Variants in CYP4Z1 observed in about 807,000 individuals in gnomAD.
The protein encoded by CYP4Z1 is cytochrome P450 family 4 subfamily Z member 1.
CYP4Z1 carries 41 observed loss-of-function variants against 54.2 expected under a neutral mutation model. The ratio of observed to expected loss-of-function variants is 0.76; its 90% CI spans 0.59 to 0.98. The LOEUF is 0.98. Ranked by LOEUF, CYP4Z1 falls within the 50% of genes least tolerant of loss-of-function variation. CYP4Z1 has a pLI of 0.00. For synonymous variants in CYP4Z1, 163 were observed against 206.2 expected, an observed-to-expected ratio of 0.79 and a Z score of 1.79; for missense variants, 513 against 599.0, an observed-to-expected ratio of 0.86 and a Z score of 1.50.
intron 3 of CYP4Z1, among the ~76,000 whole-genome samples, chr1:47,082,063 C>G (rs1644558665): frequency 6.6e-6 from 1 of 150,930 alleles, no homozygotes; most frequent in African/African-American, 2.5e-5. Flanking sequence ...TCTCACCCAC[C>G]CTAAATTTGA....
Position 47,084,905 on chromosome 1 carries a change from C to T in CYP4Z1, c.699C>T (p.Asn233=), listed in dbSNP as rs370015142. 471 of 1,546,282 alleles carry T rather than the reference C, an allele frequency of 3.0e-4. No homozygotes were observed. Among genetic ancestry groups the T allele is most frequent in the Non-Finnish European group, 3.9e-4 (444 of 1,141,718 alleles). Residue 233 remains asparagine, a synonymous_variant, in exon 6 of 12, where the codon AAC becomes AAT. Coordinates refer to ENST00000334194, the MANE Select transcript of CYP4Z1 (RefSeq NM_178134.3). ...GCATGAACAATTTTCTACATCACAA[C>T]GACCTGGTTTTCAAATTCAGCTCTC... The part of the protein sequence containing the change: ...NQRMNNFLHH[N]DLVFKFSSQG...
intron 2 of CYP4Z1, among the ~76,000 whole-genome samples, chr1:47,077,768 G>A (rs1644536345): frequency 6.6e-6 from 1 of 151,596 alleles, no homozygotes. Flanking sequence ...CTACAGGCCT[G>A]CACCACTATG....
chr1:47,068,989 G>C (rs971251276), intron 2 of CYP4Z1, among the ~76,000 whole-genome samples: 8 of 152,184 alleles, frequency 5.3e-5, no homozygotes, highest in African/African-American at 1.9e-4. Flanking sequence ...TCCCTACATG[G>C]CAAATTTTTT....
intron 4 of CYP4Z1, among the ~76,000 whole-genome samples, 184 bp from the exon 5 acceptor site, chr1:47,084,436 A>G (rs1273769671): frequency 1.3e-5 from 2 of 151,978 alleles, no homozygotes; most frequent in Non-Finnish European, 2.9e-5. Flanking sequence ...AATAGCATCT[A>G]AGGCACAGTA....
At chr1:47,062,048 A>C in the CYP4Z1 span, among the ~76,000 whole-genome samples, 1 of 152,242 alleles carries the variant, frequency 6.6e-6, no homozygotes, top group African/African-American at 2.4e-5. Flanking sequence ...AATAAGAGCC[A>C]TCTATGACAA....
At chr1:47,055,565 G>A in the CYP4Z1 span, among the ~76,000 whole-genome samples, 2 of 152,028 alleles carry the variant, frequency 1.3e-5, no homozygotes, top group African/African-American at 4.8e-5. Flanking sequence ...TTTTTTGGTT[G>A]GTAAGCTATT....
At chr1:47,073,027 T>C (rs1644493691) in intron 2 of CYP4Z1, among the ~76,000 whole-genome samples, 1 of 147,212 alleles carries the variant, frequency 6.8e-6, no homozygotes. Context: ...CTATCATCTC[T>C]GTCTAGTTCC....
rs1644842771 is a variant in CYP4Z1, at chr1:47,117,911, GT to G, written c.1496del (p.Val499GlyfsTer41). ...VVLKSKNGIHVFAKKVC is the reference protein window; with the variant it reads ...VVLKSKNGIHXFAKKVC Reference sequence around the variant, plus strand: ...CCTCAAGTCCAAGAATGGAATCCATGTGTTTGCAAAAAAAGTTTGCTAATTT... The same window carrying G: ...CCTCAAGTCCAAGAATGGAATCCATGGTTTGCAAAAAAAGTTTGCTAATTT... On this transcript the variant is annotated frameshift_variant, in exon 12 of 12. Transcript: ENST00000334194. LOFTEE classifies it high-confidence loss of function. 2 of 1,612,808 alleles carry G rather than the reference GT, an allele frequency of 1.2e-6. No homozygotes were observed. Among genetic ancestry groups the G allele is most frequent in the Non-Finnish European group, 1.7e-6 (2 of 1,179,596 alleles).
In CYP4Z1 at chr1:47,115,190, G is replaced by C. The variant is rs555542511; in HGVS notation, c.1202-339G>C. Among the ~76,000 whole-genome samples the C allele has an allele frequency of 7.2e-4, 109 of 152,084 alleles. 1 individual carries two copies. Among genetic ancestry groups the C allele is most frequent in the Non-Finnish European group, 1.3e-3 (88 of 67,970 alleles). ...AAACCATCATTCTCAGCAAACTATC[G>C]CAAGGACAAAAAACCAAACGCCGCA... On this transcript the variant is annotated intron_variant, in intron 9 of 11. Coordinates refer to ENST00000334194, the MANE Select transcript of CYP4Z1 (RefSeq NM_178134.3).
At chr1:47,098,634 A>G (rs373377517) in intron 7 of CYP4Z1, among the ~76,000 whole-genome samples, 190 of 152,346 alleles carry the variant, frequency 1.2e-3, no homozygotes, top group African/African-American at 4.3e-3. Context: ...ATAATAAATC[A>G]TGAGCTTTCC....
chr1:47,088,983 G>C (rs1430011614), intron 6 of CYP4Z1, among the ~76,000 whole-genome samples: 1 of 149,128 alleles, frequency 6.7e-6, no homozygotes, highest in Non-Finnish European at 1.5e-5. Context: ...GAAAATATTT[G>C]TGCTTTGGTT....
At chr1:47,078,008 T>C (rs966009858) in intron 2 of CYP4Z1, among the ~76,000 whole-genome samples, 1 of 152,184 alleles carries the variant, frequency 6.6e-6, no homozygotes, top group Non-Finnish European at 1.5e-5. Flanking sequence ...GTAACATTTT[T>C]ATGTTACTCT....
intron 10 of CYP4Z1, among the ~76,000 whole-genome samples, chr1:47,116,324 G>A (rs558677050): frequency 6.6e-6 from 1 of 152,286 alleles, no homozygotes; most frequent in East Asian, 1.9e-4. Flanking sequence ...ATATGACAGA[G>A]GCACGGGTTT....
intron 7 of CYP4Z1, among the ~76,000 whole-genome samples, chr1:47,098,094 A>C (rs4926729): frequency 0.42 from 63,799 of 151,876 alleles, 14,755 homozygotes; most frequent in East Asian, 0.97. Flanking sequence ...TGGGATTACA[A>C]GCGTGAGCCG....
chr1:47,059,229 C>T, the CYP4Z1 span, among the ~76,000 whole-genome samples: 1 of 152,092 alleles, frequency 6.6e-6, no homozygotes, highest in Admixed American at 6.6e-5. Context: ...TGTCCCAATG[C>T]CTTCATAATT....
chr1:47,103,855 C>A (rs770682763), intron 8 of CYP4Z1, among the ~76,000 whole-genome samples: 72 of 152,114 alleles, frequency 4.7e-4, no homozygotes, highest in Non-Finnish European at 7.9e-4. Flanking sequence ...CTCTGCCTCC[C>A]AAAGTGCTGG....
At chr1:47,065,178 T>C (rs1644443146), upstream of CYP4Z1, among the ~76,000 whole-genome samples, 1 of 152,106 alleles carries the variant, frequency 6.6e-6, no homozygotes, top group Non-Finnish European at 1.5e-5. Flanking sequence ...CTACAACAAA[T>C]GGACTTAACA....
At chr1:47,083,302 G>A (rs12026359) in intron 4 of CYP4Z1, among the ~76,000 whole-genome samples, 37,655 of 151,908 alleles carry the variant, frequency 0.25, 5,603 homozygotes, top group East Asian at 0.69. Flanking sequence ...TATGACCCTC[G>A]TCACCATGCC....
rs1254104779 is a variant in CYP4Z1, at chr1:47,073,873, A to G, written c.319+5110A>G. Among the ~76,000 whole-genome samples the G allele has an allele frequency of 2.0e-5, 3 of 152,358 alleles. No homozygotes were observed. The East Asian group carries it at 5.8e-4, about 29-fold the overall frequency. On this transcript the variant is annotated intron_variant, in intron 2 of 11. Transcript: ENST00000334194. ...TTTTTTATCAGATATATGATTTGCA[A>G]ACATTTTCTATTATTTTGTGGTTTG...
Sources: gnomAD v4.1 joint callset for allele counts (sites outside exome capture counted in the v4.1 genomes callset) on GRCh38, gnomAD v4.1.1 for gene constraint, MANE v1.5 for transcripts, NCBI Gene and HGNC (gene_info 2026-07-23, HGNC 2026-07-21) for gene names.